The following SNX1 variants were observed in gnomAD, a reference collection of about 807,000 sequenced individuals.
SNX1 encodes the protein sorting nexin-1.
SNX1 carries 36 observed loss-of-function variants against 71.8 expected under a neutral mutation model. The ratio of observed to expected loss-of-function variants is 0.50; its 90% CI spans 0.38 to 0.66. The LOEUF (loss-of-function observed/expected upper bound fraction) is 0.66, where lower values mean the gene tolerates loss of function less well. Ranked by LOEUF, SNX1 falls within the 30% of genes least tolerant of loss-of-function variation. The pLI is 0.00. For synonymous variants in SNX1, 254 were observed against 240.7 expected (o/e 1.06, Z -0.51); for missense variants, 612 against 646.7 (o/e 0.95, Z 0.58).
At chr15:64,105,551 G>T (rs199566837) in intron 1 of SNX1, among the ~76,000 whole-genome samples, 1 of 152,166 alleles carries the variant, frequency 6.6e-6, no homozygotes, top group Non-Finnish European at 1.5e-5. Flanking sequence ...GCTTCGTCAC[G>T]TGGACAGCTG....
chr15:64,129,879 C>A lies in SNX1; in HGVS notation c.808-37C>A. 2 of 1,423,232 alleles carry A rather than the reference C, an allele frequency of 1.4e-6. No individual in the cohort carries two copies. Among genetic ancestry groups the A allele is most frequent in the Non-Finnish European group, 2.0e-6 (2 of 1,006,720 alleles). 88.2% of individuals were successfully genotyped at this position (1,423,232 alleles called of 1,614,324 possible). A position where few individuals can be genotyped will look rare whatever the true frequency, so the allele number is the denominator to read the frequency against. On this transcript the variant is annotated intron_variant, in intron 8 of 14. Transcript: ENST00000559844. The surrounding 1 kb of genome is among the most constrained non-coding windows in gnomAD (Gnocchi z 4.4). Reference sequence around the variant, plus strand: ...TCTTCTGAACCTAAAATAGGGGCAGCAGATAACTTGCCATCCCTGCCTTCT... The same window carrying A: ...TCTTCTGAACCTAAAATAGGGGCAGAAGATAACTTGCCATCCCTGCCTTCT...
chr15:64,142,553 C>T lies in SNX1; in HGVS notation c.*4935C>T. ...AGAGGGTGCCTCACTGCTGAGGCCA[C>T]AGGAAAGAATCTGTAGGTGGAGGGG... On this transcript the variant is annotated 3_prime_UTR_variant, in exon 15 of 15. Transcript: ENST00000559844. 1 of 447,698 alleles carries T rather than the reference C, an allele frequency of 2.2e-6. No homozygotes were observed. Among genetic ancestry groups the T allele is most frequent in the South Asian group, 1.6e-5 (1 of 63,388 alleles). 27.7% of individuals were successfully genotyped at this position (447,698 alleles called of 1,614,324 possible).
intron 4 of SNX1, among the ~76,000 whole-genome samples, chr15:64,121,837 C>G (rs186175252): frequency 6.6e-6 from 1 of 152,276 alleles, no homozygotes; most frequent in East Asian, 1.9e-4. Context: ...TTTATAACAA[C>G]GCATTCTGTT....
rs2081409318 is a variant in SNX1 at position 64,141,027 on chromosome 15, G to GATAGATAGATAGATA, written c.*3416_*3417insGATAGATAATAGATA. 3.2e-5 allele frequency: 2 copies of GATAGATAGATAGATA among 61,692 alleles called. No individual in the cohort carries two copies. Among genetic ancestry groups the GATAGATAGATAGATA allele is most frequent in the African/African-American group, 1.5e-4 (2 of 13,656 alleles). 3.8% of individuals were successfully genotyped at this position (61,692 alleles called of 1,614,324 possible). On this transcript the variant is annotated 3_prime_UTR_variant, in exon 15 of 15. Coordinates refer to ENST00000559844, the MANE Select transcript of SNX1 (RefSeq NM_003099.5). This position sits in a 1 kb window ranked among gnomAD's most constrained non-coding sequence, Gnocchi z 5.1. ...TAGATAGATAGATAGATAGATAGAT[G>GATAGATAGATAGATA]ATAGATATAGATAGATAGATAGATT...
chr15:64,136,846 A>T lies in SNX1; in HGVS notation c.1447-15A>T, dbSNP rs372302583. On this transcript the variant is annotated splice_polypyrimidine_tract_variant and intron_variant, in intron 13 of 14. Coordinates refer to ENST00000559844, the MANE Select transcript of SNX1 (RefSeq NM_003099.5). ...AGCAAAAACTGGATGGTCAGTGTAG[A>T]ATCTTGTCTCCTAGAAAGAGAAATC... 5.3e-5 allele frequency: 85 copies of T among 1,609,278 alleles called. No homozygotes were observed. Among genetic ancestry groups the T allele is most frequent in the Non-Finnish European group, 6.9e-5 (81 of 1,176,062 alleles).
intron 5 of SNX1, among the ~76,000 whole-genome samples, chr15:64,124,073 A>G (rs192231710): frequency 6.7e-6 from 1 of 149,712 alleles, no homozygotes; most frequent in East Asian, 1.9e-4. Flanking sequence ...TTTTTCCATC[A>G]TATCCCCTGC....
chr15:64,098,893 G>A (rs1278184219), intron 1 of SNX1, among the ~76,000 whole-genome samples: 1 of 151,964 alleles, frequency 6.6e-6, no homozygotes, highest in African/African-American at 2.4e-5. Flanking sequence ...TTTTTATTTA[G>A]ATATGATCTA....
chr15:64,105,233 A>AG (rs1555490054), intron 1 of SNX1, among the ~76,000 whole-genome samples: 1 of 151,356 alleles, frequency 6.6e-6, no homozygotes, highest in Non-Finnish European at 1.5e-5. Flanking sequence ...AAAAAAAAAA[A>AG]TTAGGGGCTT....
At chr15:64,122,508 A>T (rs570392899) in intron 4 of SNX1, among the ~76,000 whole-genome samples, 56 of 152,324 alleles carry the variant, frequency 3.7e-4, no homozygotes. Flanking sequence ...AGGCATTTCC[A>T]GCCATCTTAC....
chr15:64,100,349 C>A (rs988051174), intron 1 of SNX1, among the ~76,000 whole-genome samples: 3 of 152,104 alleles, frequency 2.0e-5, no homozygotes, highest in Admixed American at 1.3e-4. Flanking sequence ...TGCTTGTAAT[C>A]CCAGCATTTT....
At chr15:64,133,943 C>G (rs932960778) in intron 11 of SNX1, among the ~76,000 whole-genome samples, 2 of 152,160 alleles carry the variant, frequency 1.3e-5, no homozygotes, top group South Asian at 2.1e-4. Flanking sequence ...GGAAAACTAG[C>G]AAATAGATTT....
At position 64,134,979 on chromosome 15, in the gene SNX1, T is replaced by A; in HGVS notation, c.1365+172T>A. On this transcript the variant is annotated intron_variant, in intron 12 of 14. Coordinates refer to ENST00000559844, the MANE Select transcript of SNX1 (RefSeq NM_003099.5). This position sits in a 1 kb window ranked among gnomAD's most constrained non-coding sequence, Gnocchi z 4.1. ...AATGACTCCAGGCCTTCCTGAGGCCTAGTCCCCCTGTTCTTTTTCTACTCT... is the reference window on the plus strand; with the variant it reads ...AATGACTCCAGGCCTTCCTGAGGCCAAGTCCCCCTGTTCTTTTTCTACTCT... 1 of 751,702 alleles carries A rather than the reference T, an allele frequency of 1.3e-6. No homozygotes were observed. Among genetic ancestry groups the A allele is most frequent in the Non-Finnish European group, 2.1e-6 (1 of 478,056 alleles). The allele number at this position is 751,702 out of a possible 1,614,324, so 46.6% of individuals were successfully genotyped here. A position where few individuals can be genotyped will look rare whatever the true frequency, so the allele number is the denominator to read the frequency against.
At position 64,139,912 on chromosome 15, in the gene SNX1, A is replaced by G. The variant is rs1044854495; in HGVS notation, c.*2294A>G. The G allele has an allele frequency of 6.6e-6, 1 of 152,112 alleles. No individual in the cohort carries two copies. The highest frequency in any genetic ancestry group is 2.4e-5 in the African/African-American group (1 of 41,400). 9.4% of individuals were successfully genotyped at this position (152,112 alleles called of 1,614,324 possible). A position where few individuals can be genotyped will look rare whatever the true frequency, so the allele number is the denominator to read the frequency against. On this transcript the variant is annotated 3_prime_UTR_variant, in exon 15 of 15. Transcript: ENST00000559844. ...GTTTGGATTTGTGTGATGGTTCCGC[A>G]TGACTAGGTGAGGGTTTTGCATTCT...
intron 1 of SNX1, among the ~76,000 whole-genome samples, chr15:64,101,078 A>G (rs1004005384): frequency 3.3e-5 from 5 of 152,244 alleles, no homozygotes; most frequent in African/African-American, 1.2e-4. Context: ...CTAGAATTAT[A>G]TGCGTGAGTC....
intron 1 of SNX1, 107 bp downstream of exon 1, chr15:64,096,279 C>A: frequency 7.4e-7 from 1 of 1,346,172 alleles, no homozygotes; most frequent in Non-Finnish European, 9.9e-7. Context: ...TGAGACCTTG[C>A]CTCGGTGTCA....
intron 5 of SNX1, among the ~76,000 whole-genome samples, chr15:64,124,079 C>T (rs929414993): frequency 3.4e-5 from 5 of 148,156 alleles, no homozygotes; most frequent in African/African-American, 1.3e-4. Flanking sequence ...CATCATATCC[C>T]CTGCCTCATA....
intron 2 of SNX1, 64 bp from the exon 3 acceptor site, chr15:64,118,053 A>G: frequency 5.3e-6 from 8 of 1,515,278 alleles, no homozygotes; most frequent in Non-Finnish European, 7.2e-6. Context: ...TTCTTAGCCT[A>G]TACAAGTTTA....
chr15:64,132,143 C>T (rs762331310), intron 11 of SNX1, among the ~76,000 whole-genome samples: 2 of 152,204 alleles, frequency 1.3e-5, no homozygotes, highest in Non-Finnish European at 2.9e-5. Flanking sequence ...CTTGAATTTC[C>T]GAATAGGTTG....
At chr15:64,130,511 G>T (rs1228381345) in intron 10 of SNX1, among the ~76,000 whole-genome samples, 190 bp downstream of exon 10, 4 of 152,164 alleles carry the variant, frequency 2.6e-5, no homozygotes, top group African/African-American at 9.7e-5. Flanking sequence ...TTCAACCACT[G>T]TGGGCATTGT....
Sources: allele counts gnomAD v4.1 joint callset (sites outside exome capture counted in the v4.1 genomes callset), GRCh38; gene constraint gnomAD v4.1.1; non-coding constraint Gnocchi (gnomAD v3.1); transcripts MANE v1.5; gene names NCBI Gene and HGNC (gene_info 2026-07-23, HGNC 2026-07-21).